Variants in NRXN3 observed in about 807,000 individuals in gnomAD.
NRXN3 encodes neurexin III.
In NRXN3, 32 loss-of-function variants were observed where a neutral mutation model predicts 137.6. That is an observed-to-expected ratio of 0.23 (90% CI 0.18 to 0.31). The LOEUF (loss-of-function observed/expected upper bound fraction) is 0.31, where lower values mean the gene tolerates loss of function less well. NRXN3 is among the 10% of genes least tolerant of loss of function. The pLI is 1.00. For missense variants in NRXN3, 1,574 were observed against 2,062.5 expected, an observed-to-expected ratio of 0.76 and a Z score of 4.59; for synonymous variants, 798 against 784.5, an observed-to-expected ratio of 1.02 and a Z score of -0.29.
At chr14:79,343,179 C>T (rs933970117) in intron 15 of NRXN3, among the ~76,000 whole-genome samples, 6 of 152,098 alleles carry the variant, frequency 3.9e-5, no homozygotes, top group Admixed American at 3.9e-4. Context: ...AGTCTTGTAG[C>T]CTCCAGCTGC....
intron 15 of NRXN3, among the ~76,000 whole-genome samples, chr14:79,380,612 G>C (rs1480191856): frequency 6.6e-5 from 10 of 152,202 alleles, no homozygotes; most frequent in African/African-American, 1.9e-4. Context: ...GGACATTTGG[G>C]TTGGTTCCAA....
intron 4 of NRXN3, among the ~76,000 whole-genome samples, chr14:78,630,597 C>CTTTTTTTTTT (rs370862037): frequency 2.5e-4 from 32 of 127,788 alleles, no homozygotes; most frequent in East Asian, 1.9e-3. Context: ...TTCTTTCTTT[C>CTTTTTTTTTT]TTTTTTTTTT....
intron 2 of NRXN3, among the ~76,000 whole-genome samples, chr14:78,247,201 T>C (rs960273233): frequency 6.6e-6 from 1 of 152,174 alleles, no homozygotes; most frequent in African/African-American, 2.4e-5. Context: ...CAAAATGTCA[T>C]CATGCTGCAC....
intron 15 of NRXN3, among the ~76,000 whole-genome samples, chr14:79,388,615 A>G (rs1318368627): frequency 2.0e-5 from 3 of 152,028 alleles, no homozygotes; most frequent in Non-Finnish European, 4.4e-5. Context: ...CCCTCGACTC[A>G]TGCTAGATCT....
intron 3 of NRXN3, among the ~76,000 whole-genome samples, chr14:78,282,670 C>G (rs988255798): frequency 2.0e-5 from 3 of 152,140 alleles, no homozygotes; most frequent in African/African-American, 7.2e-5. Context: ...TTTGCTGGAG[C>G]CTTCCCCTAC....
chr14:79,720,672 G>C (rs536736065), intron 19 of NRXN3, among the ~76,000 whole-genome samples: 32 of 152,146 alleles, frequency 2.1e-4, no homozygotes, highest in African/African-American at 7.5e-4. Flanking sequence ...ACTTCAAGGA[G>C]ATATGAGTGG....
intron 4 of NRXN3, among the ~76,000 whole-genome samples, chr14:78,531,199 T>C (rs1310544182): frequency 6.6e-6 from 1 of 152,150 alleles, no homozygotes; most frequent in Non-Finnish European, 1.5e-5. Flanking sequence ...GGACAGGAGC[T>C]GATGGAGATT....
intron 4 of NRXN3, among the ~76,000 whole-genome samples, chr14:78,590,763 A>G (rs1426241716): frequency 2.0e-5 from 3 of 152,112 alleles, no homozygotes; most frequent in Non-Finnish European, 4.4e-5. Context: ...AAAAATACAA[A>G]AATTAGCTGG....
intron 15 of NRXN3, among the ~76,000 whole-genome samples, chr14:79,119,632 A>G (rs1188509644): frequency 6.6e-6 from 1 of 152,198 alleles, no homozygotes; most frequent in Non-Finnish European, 1.5e-5. Context: ...TTCTCTTTCT[A>G]GCATGTCAAA....
chr14:78,830,973 G>T (rs2098979996), intron 10 of NRXN3, among the ~76,000 whole-genome samples: 2 of 152,090 alleles, frequency 1.3e-5, no homozygotes, highest in Admixed American at 1.3e-4. Flanking sequence ...CTTACGATCA[G>T]AAATTACACA....
At chr14:79,760,092 T>G (rs1245980200) in intron 19 of NRXN3, among the ~76,000 whole-genome samples, 1 of 151,676 alleles carries the variant, frequency 6.6e-6, no homozygotes, top group Non-Finnish European at 1.5e-5. Context: ...TGCATGTGTG[T>G]AAATTTCCAA....
chr14:79,057,329 T>A (rs1029604544), intron 15 of NRXN3, among the ~76,000 whole-genome samples: 1 of 152,244 alleles, frequency 6.6e-6, no homozygotes, highest in South Asian at 2.1e-4. Context: ...ATTGTGGATA[T>A]GTTTCGATAT....
chr14:79,418,627 A>C (rs2574752), intron 15 of NRXN3, among the ~76,000 whole-genome samples: 47,950 of 152,066 alleles, frequency 0.32, 8,229 homozygotes, highest in Middle Eastern at 0.53. Context: ...CACAGCAGTC[A>C]ATAAAAATAA....
At chr14:79,635,049 C>A (rs2098393081) in intron 16 of NRXN3, among the ~76,000 whole-genome samples, 1 of 152,050 alleles carries the variant, frequency 6.6e-6, no homozygotes, top group Non-Finnish European at 1.5e-5. Context: ...TTGTGTCATT[C>A]AAAATAGCTA....
intron 10 of NRXN3, among the ~76,000 whole-genome samples, chr14:78,884,971 C>G (rs1424292058): frequency 3.9e-5 from 6 of 151,996 alleles, no homozygotes; most frequent in Non-Finnish European, 2.9e-5. Context: ...TATATATTGT[C>G]TGCTATTATT....
chr14:79,831,896 C>T (rs1011004094), intron 20 of NRXN3, among the ~76,000 whole-genome samples: 2 of 152,100 alleles, frequency 1.3e-5, no homozygotes, highest in African/African-American at 2.4e-5. Context: ...GTGAGCCCCC[C>T]ACGTTTATCT....
intron 4 of NRXN3, among the ~76,000 whole-genome samples, chr14:78,633,899 T>A (rs1356162662): frequency 6.6e-6 from 1 of 152,192 alleles, no homozygotes; most frequent in Non-Finnish European, 1.5e-5. Context: ...AGCCACTCTG[T>A]CTAGACTTGC....
At chr14:79,095,291 G>T (rs568064963) in intron 15 of NRXN3, among the ~76,000 whole-genome samples, 2 of 152,146 alleles carry the variant, frequency 1.3e-5, no homozygotes, top group Non-Finnish European at 2.9e-5. Flanking sequence ...TTCTTATTTA[G>T]CACTTGAATC....
intron 6 of NRXN3, among the ~76,000 whole-genome samples, chr14:78,684,525 C>G (rs768425377): frequency 4.6e-5 from 7 of 152,162 alleles, no homozygotes; most frequent in Non-Finnish European, 1.0e-4. Context: ...AATTCTCAGT[C>G]CAGGCACAAT....
Sources: gnomAD v4.1 joint callset for allele counts (sites outside exome capture counted in the v4.1 genomes callset) on GRCh38, gnomAD v4.1.1 for gene constraint, MANE v1.5 for transcripts, NCBI Gene and HGNC (gene_info 2026-07-23, HGNC 2026-07-21) for gene names.